The following EML6 variants were observed in gnomAD, a reference collection of about 807,000 sequenced individuals.
EML6 encodes echinoderm microtubule-associated protein-like 6.
A neutral mutation model predicts 240.1 loss-of-function variants in EML6; 154 were observed. The observed-to-expected ratio is 0.64, with a 90% CI of 0.56 to 0.73. EML6 has a LOEUF of 0.73. Ranked by LOEUF, EML6 falls within the 30% of genes least tolerant of loss-of-function variation. The pLI is 0.00. For missense variants in EML6, 2,964 were observed against 2,474.6 expected (o/e 1.20, Z -4.20); for synonymous variants, 1,148 against 899.0 (o/e 1.28, Z -4.95).
intron 2 of EML6, among the ~76,000 whole-genome samples, chr2:54,807,886 C>G (rs568165024): frequency 6.6e-6 from 1 of 152,316 alleles, no homozygotes; most frequent in East Asian, 1.9e-4. Flanking sequence ...GTATTTTTAA[C>G]CATTCTTTTA....
chr2:54,923,364 A>AACAC (rs1553416829), intron 26 of EML6, among the ~76,000 whole-genome samples: 4 of 52,858 alleles, frequency 7.6e-5, no homozygotes, highest in African/African-American at 2.2e-4. Context: ...GTCCTCACCA[A>AACAC]ACGCACACAC....
chr2:54,898,788 A>G (rs1672903677), intron 21 of EML6, among the ~76,000 whole-genome samples: 1 of 152,232 alleles, frequency 6.6e-6, no homozygotes. Context: ...AAAATTCAGT[A>G]AACAGTTAAT....
rs1426716165 is a variant in EML6 at position 54,970,530 on chromosome 2, C to A, written c.*435C>A. ...TGTTCATTTTTACAAATAAGTTGAA[C>A]AAGACAGCCTAAGTTAGATGCACCG... On this transcript the variant is annotated 3_prime_UTR_variant, in exon 42 of 42. Coordinates refer to ENST00000356458, the MANE Select transcript of EML6 (RefSeq NM_001039753.4). 1 of 173,164 alleles carries A rather than the reference C, an allele frequency of 5.8e-6. No individual in the cohort carries two copies. The highest frequency in any genetic ancestry group is 5.6e-5 in the Admixed American group (1 of 17,878). The allele number at this position is 173,164 out of a possible 1,614,324, so 10.7% of individuals were successfully genotyped here. A position where few individuals can be genotyped will look rare whatever the true frequency, so the allele number is the denominator to read the frequency against.
At chr2:54,862,203 G>C (rs939008944) in intron 12 of EML6, among the ~76,000 whole-genome samples, 3 of 151,818 alleles carry the variant, frequency 2.0e-5, no homozygotes, top group African/African-American at 7.3e-5. Flanking sequence ...GCCAGGCAAG[G>C]TGGAGCACAT....
At chr2:54,895,189 G>C (rs1323570287) in intron 20 of EML6, 84 bp from the exon 21 acceptor site, 4 of 1,460,018 alleles carry the variant, frequency 2.7e-6, no homozygotes, top group Non-Finnish European at 3.7e-6. Flanking sequence ...CTAGTACCTA[G>C]TTCTTTGGAG....
At position 54,820,423 on chromosome 2, in the gene EML6, G is replaced by C. The variant is rs370303735; in HGVS notation, c.486G>C (p.Gln162His). The change falls in exon 5 of 42, where the codon CAG (glutamine) becomes CAC (histidine). Residue 162 changes from glutamine to histidine, a missense_variant. Coordinates refer to ENST00000356458, the MANE Select transcript of EML6 (RefSeq NM_001039753.4). ...TTGATATTTCCTGGGATCCATATCA[G>C]CCAAACAGAGTGGTTAGCTGTGGAG... is the stretch of plus-strand genomic sequence containing the variant. The part of the protein sequence containing the change: ...RIFDISWDPY[Q>H]PNRVVSCGVK... 2 of 1,550,280 alleles carry C rather than the reference G, an allele frequency of 1.3e-6. No individual in the cohort carries two copies.
chr2:54,962,242 CA>C (rs1676554445), intron 35 of EML6, among the ~76,000 whole-genome samples: 1 of 151,672 alleles, frequency 6.6e-6, no homozygotes, highest in Non-Finnish European at 1.5e-5. Context: ...TAACTGTGGC[CA>C]AATAGACATA....
rs1043372093 is a variant in EML6, at chr2:54,724,717, T to C, written c.-345T>C. On this transcript the variant is annotated 5_prime_UTR_variant, in exon 2 of 42. The change abolishes the stop of an existing upstream ORF in the 5' untranslated region. Coordinates refer to ENST00000356458, the MANE Select transcript of EML6 (RefSeq NM_001039753.4). This position sits in a 1 kb window ranked among gnomAD's most constrained non-coding sequence, Gnocchi z 5.2. ...TGTTGGGATATGCAGATTCCTGATG[T>C]AAAAGGCGGGGTGGCCCCCCCGAGA... 1.3e-5 allele frequency: 2 copies of C among 151,990 alleles called. No individual in the cohort carries two copies. Among genetic ancestry groups the C allele is most frequent in the Non-Finnish European group, 2.9e-5 (2 of 68,048 alleles). 9.4% of individuals were successfully genotyped at this position (151,990 alleles called of 1,614,324 possible).
chr2:54,905,652 A>G (rs1045543246), intron 24 of EML6, among the ~76,000 whole-genome samples: 3 of 152,158 alleles, frequency 2.0e-5, no homozygotes, highest in Non-Finnish European at 4.4e-5. Flanking sequence ...AATTCTTTTC[A>G]TCTTGTAATA....
intron 2 of EML6, among the ~76,000 whole-genome samples, chr2:54,801,571 A>C (rs1277345784): frequency 2.6e-5 from 4 of 152,216 alleles, no homozygotes; most frequent in Non-Finnish European, 5.9e-5. Context: ...AAATAATAGA[A>C]TATGGATGAA....
Position 54,970,190 on chromosome 2 carries a change from A to G in EML6, c.*95A>G. On this transcript the variant is annotated 3_prime_UTR_variant, in exon 42 of 42. Transcript: ENST00000356458. ...TGCCTCCTTGCCACCAGCCGTTGGGAAATGCCTACCATGCTGCCCCGGATG... is the reference window on the plus strand; with the variant it reads ...TGCCTCCTTGCCACCAGCCGTTGGGGAATGCCTACCATGCTGCCCCGGATG... 1 of 1,230,828 alleles carries G rather than the reference A, an allele frequency of 8.1e-7. No individual in the cohort carries two copies. Among genetic ancestry groups the G allele is most frequent in the South Asian group, 1.3e-5 (1 of 77,706 alleles). The allele number at this position is 1,230,828 out of a possible 1,614,324, so 76.2% of individuals were successfully genotyped here.
intron 30 of EML6, 74 bp downstream of exon 30, chr2:54,950,853 C>T (rs1675939501): frequency 1.4e-6 from 2 of 1,441,674 alleles, no homozygotes; most frequent in Non-Finnish European, 1.9e-6. Flanking sequence ...TTTAGATGCC[C>T]AAAAGCTTAA....
intron 2 of EML6, among the ~76,000 whole-genome samples, chr2:54,766,887 A>G (rs775698115): frequency 1.3e-5 from 2 of 151,506 alleles, no homozygotes; most frequent in South Asian, 4.2e-4. Context: ...ATTCTATTGT[A>G]CAGTAAATAA....
At chr2:54,882,749 T>C (rs1380361327) in intron 17 of EML6, 1 of 149,782 alleles carries the variant, frequency 6.7e-6, no homozygotes, top group Non-Finnish European at 1.5e-5. Context: ...TCCCAGCTAC[T>C]TGGGAGGCTG....
chr2:54,844,965 T>G (rs561289220), intron 8 of EML6, among the ~76,000 whole-genome samples: 1 of 152,212 alleles, frequency 6.6e-6, no homozygotes, highest in Admixed American at 6.5e-5. Flanking sequence ...GCTTTAGATA[T>G]GCTCAATGAC....
chr2:54,916,641 TCAACA>T (rs1489376553), intron 25 of EML6, 113 bp from the exon 26 acceptor site: 4 of 736,622 alleles, frequency 5.4e-6, no homozygotes, highest in Non-Finnish European at 8.3e-6. Flanking sequence ...ACCTCAGCAC[TCAACA>T]CAAATGCCTA....
In EML6 at chr2:54,903,733, T is replaced by C. The variant is rs143733265; in HGVS notation, c.3409+231T>C. ...TTATTGTCACTATTGATTCAAGCCA[T>C]TGAGTTTTAAGACAGTTAAAGATAC... On this transcript the variant is annotated intron_variant, in intron 24 of 41. Transcript: ENST00000356458. Among the ~76,000 whole-genome samples the C allele has an allele frequency of 4.1e-3, 626 of 152,336 alleles. 8 individuals carry two copies. The highest frequency in any genetic ancestry group is 0.014 in the African/African-American group (602 of 41,578).
chr2:54,791,672 CTG>C (rs1222655866), intron 2 of EML6, among the ~76,000 whole-genome samples: 1 of 152,158 alleles, frequency 6.6e-6, no homozygotes. Context: ...AACACTATAA[CTG>C]TGATGTTAGC....
intron 7 of EML6, among the ~76,000 whole-genome samples, chr2:54,843,514 C>G (rs1401949127): frequency 6.6e-6 from 1 of 152,088 alleles, no homozygotes; most frequent in East Asian, 1.9e-4. Context: ...AACTAGATTA[C>G]AAGGGGTGGA....
Sources: allele counts gnomAD v4.1 joint callset (sites outside exome capture counted in the v4.1 genomes callset), GRCh38; gene constraint gnomAD v4.1.1; non-coding constraint Gnocchi (gnomAD v3.1); transcripts MANE v1.5; gene names NCBI Gene and HGNC (gene_info 2026-07-23, HGNC 2026-07-21).